The following SDK1 variants were observed in gnomAD, a reference collection of about 807,000 sequenced individuals.
The protein encoded by SDK1 is sidekick cell adhesion molecule 1.
A neutral mutation model predicts 245.5 loss-of-function variants in SDK1; 157 were observed. The ratio of observed to expected loss-of-function variants is 0.64; its 90% CI spans 0.56 to 0.73. The LOEUF (loss-of-function observed/expected upper bound fraction) is 0.73. Ranked by LOEUF, SDK1 falls within the 30% of genes least tolerant of loss-of-function variation. The pLI, the probability that SDK1 is intolerant of heterozygous loss-of-function variation, is 0.00. For missense variants in SDK1, 3,583 were observed against 3,002.3 expected (o/e 1.19, Z -4.52); for synonymous variants, 1,647 against 1,278.5 (o/e 1.29, Z -6.15).
At chr7:3,420,780 A>G (rs1208133333) in intron 1 of SDK1, among the ~76,000 whole-genome samples, 2 of 152,208 alleles carry the variant, frequency 1.3e-5, no homozygotes, top group African/African-American at 4.8e-5. Context: ...TCCAGGATAC[A>G]TGGGCAGGGT....
At chr7:3,430,398 C>G (rs1779806995) in intron 1 of SDK1, among the ~76,000 whole-genome samples, 2 of 152,144 alleles carry the variant, frequency 1.3e-5, no homozygotes, top group Admixed American at 1.3e-4. Flanking sequence ...ATTCTGAAAT[C>G]CAGGTATCCT....
chr7:3,424,572 T>G (rs2128581935), intron 1 of SDK1, among the ~76,000 whole-genome samples: 1 of 152,274 alleles, frequency 6.6e-6, no homozygotes, highest in African/African-American at 2.4e-5. Context: ...ATAGTCTGGT[T>G]GATGCACAAT....
rs113330449 is a variant in SDK1 at position 4,253,159 on chromosome 7, C to T, written c.6381+7354C>T. Reference sequence around the variant, plus strand: ...TTTCTACTCTAATCTTTATGACTTTCTTCTGCTTAATTTGGAGTTAATTTG... The same window carrying T: ...TTTCTACTCTAATCTTTATGACTTTTTTCTGCTTAATTTGGAGTTAATTTG... On this transcript the variant is annotated intron_variant, in intron 44 of 44. Transcript: ENST00000404826. Among the ~76,000 whole-genome samples, 538 of 152,118 alleles carry T rather than the reference C, an allele frequency of 3.5e-3. 4 individuals are homozygous for T. The highest frequency in any genetic ancestry group is 0.012 in the African/African-American group (517 of 41,502).
intron 1 of SDK1, among the ~76,000 whole-genome samples, chr7:3,406,926 C>G (rs1272591002): frequency 6.6e-6 from 1 of 151,834 alleles, no homozygotes; most frequent in Non-Finnish European, 1.5e-5. Flanking sequence ...CTCAAACAAG[C>G]AGAAAATATC....
At chr7:4,210,647 C>T (rs1053285487) in intron 38 of SDK1, among the ~76,000 whole-genome samples, 1 of 152,174 alleles carries the variant, frequency 6.6e-6, no homozygotes, top group Non-Finnish European at 1.5e-5. Context: ...TCATCCGTCC[C>T]CTCAGCGGAC....
intron 35 of SDK1, among the ~76,000 whole-genome samples, chr7:4,192,538 G>T (rs552923343): frequency 1.3e-5 from 2 of 152,296 alleles, no homozygotes; most frequent in African/African-American, 4.8e-5. Flanking sequence ...GCCTCCTGAA[G>T]TGCTGGGATT....
intron 4 of SDK1, among the ~76,000 whole-genome samples, chr7:3,736,495 A>G (rs1779321507): frequency 6.6e-6 from 1 of 151,958 alleles, no homozygotes; most frequent in Non-Finnish European, 1.5e-5. Context: ...GATGGTCTTG[A>G]TCTCCTGCCC....
At chr7:3,368,458 T>C (rs551122794) in intron 1 of SDK1, among the ~76,000 whole-genome samples, 3 of 152,320 alleles carry the variant, frequency 2.0e-5, no homozygotes, top group East Asian at 3.9e-4. Context: ...CCAATTTTCA[T>C]GGTTTTGAAG....
In SDK1 at chr7:3,953,128, C is replaced by G. The variant is rs79016032; in HGVS notation, c.1150+1208C>G. Among the ~76,000 whole-genome samples, 695 of 149,844 alleles carry G rather than the reference C, an allele frequency of 4.6e-3. 7 individuals carry two copies. Among genetic ancestry groups the G allele is most frequent in the African/African-American group, 0.016 (662 of 40,716 alleles). The stretch of plus-strand genomic sequence containing the variant: ...AAATAAGAAAACCCTCAGAGAGCCC[C>G]TTAAATAAAAAAATTTGCAGTCTGC... On this transcript the variant is annotated intron_variant, in intron 7 of 44. Coordinates refer to ENST00000404826, the MANE Select transcript of SDK1 (RefSeq NM_152744.4).
chr7:3,618,590 T>G (rs1232420457), intron 1 of SDK1, among the ~76,000 whole-genome samples: 2 of 152,246 alleles, frequency 1.3e-5, no homozygotes, highest in Non-Finnish European at 2.9e-5. Context: ...GGAGAGACCA[T>G]TTCCACGTGT....
chr7:3,968,292 T>C (rs977846657), intron 10 of SDK1, among the ~76,000 whole-genome samples: 3 of 152,230 alleles, frequency 2.0e-5, no homozygotes, highest in African/African-American at 7.2e-5. Flanking sequence ...GCCCGTTCCA[T>C]GAGGGCCACT....
At chr7:3,806,318 A>ATTAGGATGTGGATGTCCACG (rs1779243779) in intron 4 of SDK1, among the ~76,000 whole-genome samples, 1 of 113,348 alleles carries the variant, frequency 8.8e-6, no homozygotes, top group Admixed American at 7.7e-5. Context: ...GGATGTCCAC[A>ATTAGGATGTGGATGTCCACG]TTAGGATGTG....
At chr7:3,940,426 C>A (rs997022249) in intron 5 of SDK1, among the ~76,000 whole-genome samples, 12 of 152,228 alleles carry the variant, frequency 7.9e-5, no homozygotes, top group African/African-American at 2.2e-4. Flanking sequence ...GGTTGTATGC[C>A]TGAAAATGCC....
intron 36 of SDK1, 151 bp from the exon 37 acceptor site, chr7:4,207,947 AT>A: frequency 1.6e-6 from 1 of 625,696 alleles, no homozygotes; most frequent in Non-Finnish European, 2.8e-6. Flanking sequence ...CTTCTCCCTG[AT>A]TCCTCCAGGA....
chr7:3,793,318 G>C (rs1439328755), intron 4 of SDK1, among the ~76,000 whole-genome samples: 3 of 152,106 alleles, frequency 2.0e-5, no homozygotes, highest in African/African-American at 7.2e-5. Context: ...GAAAAGACCT[G>C]ATTATTATTA....
chr7:3,624,386 A>G lies in SDK1; in HGVS notation c.458+5147A>G, dbSNP rs116795100. On this transcript the variant is annotated intron_variant, in intron 2 of 44. Coordinates refer to ENST00000404826, the MANE Select transcript of SDK1 (RefSeq NM_152744.4). ...GCTAAGTTTTCTATTTTTTGTGCAG[A>G]TGGGGTTGCACTGTGTTGCCTAGGC... is the stretch of plus-strand genomic sequence containing the variant. Among the ~76,000 whole-genome samples the G allele has an allele frequency of 2.1e-3, 323 of 152,176 alleles. 4 individuals are homozygous for G. The highest frequency in any genetic ancestry group is 7.6e-3 in the African/African-American group (315 of 41,534).
At chr7:4,110,875 G>T in intron 23 of SDK1, 103 bp downstream of exon 23, 1 of 776,326 alleles carries the variant, frequency 1.3e-6, no homozygotes, top group South Asian at 1.5e-5. Flanking sequence ...ATGCAAATCA[G>T]ATGTTTCCTA....
intron 1 of SDK1, among the ~76,000 whole-genome samples, chr7:3,489,598 T>TG (rs1168766989): frequency 6.6e-6 from 1 of 152,208 alleles, no homozygotes; most frequent in African/African-American, 2.4e-5. Flanking sequence ...TGGAGATAGA[T>TG]GGAAGTGTAA....
intron 5 of SDK1, among the ~76,000 whole-genome samples, chr7:3,883,989 A>G (rs112470313): frequency 0.028 from 4,173 of 151,660 alleles, 210 homozygotes; most frequent in African/African-American, 0.096. Context: ...CCAAAGTCCA[A>G]CCCCCTTAGG....
Sources: gnomAD v4.1 joint callset for allele counts (sites outside exome capture counted in the v4.1 genomes callset) on GRCh38, gnomAD v4.1.1 for gene constraint, MANE v1.5 for transcripts, NCBI Gene and HGNC (gene_info 2026-07-23, HGNC 2026-07-21) for gene names.